The following RALGPS2 variants were observed in gnomAD, a reference collection of about 807,000 sequenced individuals.
RALGPS2 encodes the protein Ral GEF with PH domain and SH3 binding motif 2.
RALGPS2 carries 43 observed loss-of-function variants against 86.8 expected under a neutral mutation model. That is an observed-to-expected ratio of 0.50 (90% CI 0.39 to 0.64). RALGPS2 has a LOEUF of 0.64. RALGPS2 is among the 30% of genes least tolerant of loss of function. RALGPS2 has a pLI of 0.00. For synonymous variants in RALGPS2, 243 were observed against 231.3 expected (o/e 1.05, Z -0.46); for missense variants, 536 against 694.6 (o/e 0.77, Z 2.57).
intron 1 of RALGPS2, among the ~76,000 whole-genome samples, chr1:178,743,223 G>T (rs1360094843): frequency 6.6e-6 from 1 of 151,828 alleles, no homozygotes; most frequent in Non-Finnish European, 1.5e-5. Context: ...AATAAATAAA[G>T]AAAAAAGAAT....
At position 178,893,737 on chromosome 1, in the gene RALGPS2, TC is replaced by T. The variant is rs1659817573; in HGVS notation, c.1326-181del. 6.6e-6 allele frequency: 3 copies of T among 455,740 alleles called. No individual in the cohort carries two copies. In the South Asian group the frequency reaches 1.2e-4, roughly 18 times the overall value. The allele number at this position is 455,740 out of a possible 1,614,324, so 28.2% of individuals were successfully genotyped here. On this transcript the variant is annotated intron_variant, in intron 15 of 19. Coordinates refer to ENST00000367635, the MANE Select transcript of RALGPS2 (RefSeq NM_152663.5). The stretch of plus-strand genomic sequence containing the variant: ...TCTGCTGACTTTAATAACTTTCTAA[TC>T]AACTTTTTGTACAGCTTATAAATTT...
intron 13 of RALGPS2, among the ~76,000 whole-genome samples, chr1:178,887,515 G>A (rs537551438): frequency 2.0e-5 from 3 of 152,200 alleles, no homozygotes; most frequent in East Asian, 1.9e-4. Context: ...AAATAAAGGA[G>A]GAATATGTCT....
In RALGPS2 at chr1:178,753,976, C is replaced by T. The variant is rs556550277; in HGVS notation, c.-83-22706C>T. On this transcript the variant is annotated intron_variant, in intron 1 of 19. Coordinates refer to ENST00000367635, the MANE Select transcript of RALGPS2 (RefSeq NM_152663.5). Reference sequence around the variant, plus strand: ...CCTCCCGAGTAGTTGGGACTACAGGCGCCCGCCACCACGCCCGGCTAATTT... The same window carrying T: ...CCTCCCGAGTAGTTGGGACTACAGGTGCCCGCCACCACGCCCGGCTAATTT... Among the ~76,000 whole-genome samples the T allele has an allele frequency of 8.6e-5, 13 of 152,010 alleles. No individual in the cohort carries two copies. In the East Asian group the frequency reaches 1.4e-3, roughly 16 times the overall value.
At chr1:178,775,306 TC>T (rs1478771611) in intron 1 of RALGPS2, among the ~76,000 whole-genome samples, 1 of 152,178 alleles carries the variant, frequency 6.6e-6, no homozygotes, top group Non-Finnish European at 1.5e-5. Flanking sequence ...TGCTTTTAAA[TC>T]ACTATATCCT....
intron 1 of RALGPS2, among the ~76,000 whole-genome samples, chr1:178,736,165 G>T (rs796276302): frequency 0.039 from 5,242 of 134,666 alleles, 111 homozygotes; most frequent in Middle Eastern, 0.062. Context: ...TTTGTGGGTT[G>T]TTTTTTTTTT....
intron 2 of RALGPS2, among the ~76,000 whole-genome samples, chr1:178,780,124 C>A (rs930001869): frequency 6.6e-6 from 1 of 152,098 alleles, no homozygotes; most frequent in Non-Finnish European, 1.5e-5. Context: ...TCTTATATAA[C>A]GTAATCATGG....
chr1:178,859,816 G>GC (rs1468869767), intron 8 of RALGPS2, among the ~76,000 whole-genome samples: 25 of 11,074 alleles, frequency 2.3e-3, no homozygotes, highest in African/African-American at 4.5e-3. Flanking sequence ...TCCTGCCTCT[G>GC]CCCGCCCCCC....
At chr1:178,837,963 C>T (rs934966022) in intron 8 of RALGPS2, among the ~76,000 whole-genome samples, 11 of 152,260 alleles carry the variant, frequency 7.2e-5, no homozygotes, top group South Asian at 2.1e-4. Context: ...AATTGCAAGG[C>T]GGCAGCGAGG....
chr1:178,760,444 C>CT (rs544952233), intron 1 of RALGPS2, among the ~76,000 whole-genome samples: 114 of 152,188 alleles, frequency 7.5e-4, no homozygotes, highest in Middle Eastern at 6.8e-3. Context: ...ATGCCCTTGT[C>CT]TTTTTTTACT....
intron 8 of RALGPS2, among the ~76,000 whole-genome samples, chr1:178,872,295 A>G (rs554393610): frequency 2.6e-5 from 4 of 152,180 alleles, no homozygotes; most frequent in Non-Finnish European, 5.9e-5. Context: ...TTCCTATGCC[A>G]TATATAGGTA....
chr1:178,869,644 C>A (rs562358113), intron 8 of RALGPS2, among the ~76,000 whole-genome samples: 49 of 151,988 alleles, frequency 3.2e-4, no homozygotes, highest in Admixed American at 7.9e-4. Flanking sequence ...TAACAGAAAT[C>A]CTGCCAGCAT....
At chr1:178,773,312 C>G (rs1026187660) in intron 1 of RALGPS2, among the ~76,000 whole-genome samples, 3 of 151,910 alleles carry the variant, frequency 2.0e-5, no homozygotes, top group Non-Finnish European at 2.9e-5. Flanking sequence ...GCCACATGCT[C>G]CAGCCTGCAT....
At chr1:178,749,819 G>C (rs58564735) in intron 1 of RALGPS2, among the ~76,000 whole-genome samples, 2 of 152,086 alleles carry the variant, frequency 1.3e-5, no homozygotes, top group African/African-American at 4.8e-5. Flanking sequence ...TTCTGGCTGG[G>C]TGTGGTGGCT....
At chr1:178,846,239 G>C (rs1328544108) in intron 8 of RALGPS2, among the ~76,000 whole-genome samples, 1 of 152,142 alleles carries the variant, frequency 6.6e-6, no homozygotes, top group Non-Finnish European at 1.5e-5. Context: ...ACTGATCTCA[G>C]AAATGCCTGT....
intron 16 of RALGPS2, among the ~76,000 whole-genome samples, chr1:178,894,650 T>C (rs1485057602): frequency 6.6e-6 from 1 of 152,086 alleles, no homozygotes; most frequent in Non-Finnish European, 1.5e-5. Flanking sequence ...TGTTTATTTC[T>C]CAAATTTTCC....
intron 6 of RALGPS2, among the ~76,000 whole-genome samples, chr1:178,820,948 G>A (rs1655469514): frequency 6.6e-6 from 1 of 152,186 alleles, no homozygotes; most frequent in South Asian, 2.1e-4. Flanking sequence ...AGGACTTGCA[G>A]GATATAAGCA....
Position 178,797,310 on chromosome 1 carries a change from A to AT in RALGPS2, c.214-10722dup, listed in dbSNP as rs1423668423. Reference sequence around the variant, plus strand: ...AGAGATAGAGACAAAGGGAAAAGCAATTTTTTTTTTTTTAATCACAGAGAA... The same window carrying AT: ...AGAGATAGAGACAAAGGGAAAAGCAATTTTTTTTTTTTTTAATCACAGAGAA... On this transcript the variant is annotated intron_variant, in intron 4 of 19. Transcript: ENST00000367635. Among the ~76,000 whole-genome samples, 1,097 of 146,770 alleles carry AT rather than the reference A, an allele frequency of 7.5e-3. 3 individuals carry two copies. Among genetic ancestry groups the AT allele is most frequent in the African/African-American group, 0.018 (717 of 40,250 alleles).
At chr1:178,909,403 TTTGTTG>T (rs369628282) in intron 19 of RALGPS2, among the ~76,000 whole-genome samples, 28 of 151,698 alleles carry the variant, frequency 1.8e-4, no homozygotes, top group South Asian at 1.0e-3. Context: ...TATTTGGGCT[TTTGTTG>T]TTGTTGTTGT....
intron 16 of RALGPS2, 47 bp from the exon 17 acceptor site, chr1:178,897,617 A>C (rs915632525): frequency 1.9e-5 from 28 of 1,467,316 alleles, no homozygotes; most frequent in Non-Finnish European, 2.5e-5. Flanking sequence ...AGAAACTAAG[A>C]AGCCAGGAGC....
Sources: allele counts gnomAD v4.1 joint callset (sites outside exome capture counted in the v4.1 genomes callset), GRCh38; gene constraint gnomAD v4.1.1; transcripts MANE v1.5; gene names NCBI Gene and HGNC (gene_info 2026-07-23, HGNC 2026-07-21).